Variants in KAT14 observed in about 807,000 individuals in gnomAD.
The protein encoded by KAT14 is lysine acetyltransferase 14, also known as cysteine-rich protein 2-binding protein.
Under a neutral mutation model 78.4 loss-of-function variants are expected in KAT14, and 66 were observed. The observed-to-expected ratio is 0.84, with a 90% CI of 0.69 to 1.03. The LOEUF (loss-of-function observed/expected upper bound fraction) is 1.03. KAT14 is among the 50% of genes least tolerant of loss of function. The pLI is 0.00. For synonymous variants in KAT14, 344 were observed against 359.4 expected (o/e 0.96, Z 0.48); for missense variants, 870 against 972.5 (o/e 0.89, Z 1.40).
intron 3 of KAT14, among the ~76,000 whole-genome samples, chr20:18,148,295 C>T (rs1048010690): frequency 3.8e-4 from 58 of 152,346 alleles, no homozygotes; most frequent in African/African-American, 1.4e-3. Flanking sequence ...GCCACACTCC[C>T]TTTCTGTGTC....
chr20:18,147,814 G>T (rs1052406387), intron 3 of KAT14, among the ~76,000 whole-genome samples: 1 of 152,134 alleles, frequency 6.6e-6, no homozygotes, highest in Non-Finnish European at 1.5e-5. Context: ...TCGAACTCCT[G>T]ACCTCAGGTG....
chr20:18,170,758 C>T (rs942531650), intron 7 of KAT14, among the ~76,000 whole-genome samples: 1 of 152,128 alleles, frequency 6.6e-6, no homozygotes, highest in Admixed American at 6.5e-5. Flanking sequence ...AGGAGGGCCT[C>T]GATCTCCTGA....
rs953317507 is a variant in KAT14, at chr20:18,181,769, G to A, written c.1728G>A (p.Leu576=). The change falls in exon 8 of 11, where the codon TTG becomes TTA. Residue 576 remains leucine (L), a synonymous_variant. Transcript: ENST00000688188. ...AGACCACCAAGTTTTTGTATCGCTT[G>A]GTAGGATCAGAAGATATGGCTGTGG... ...RHQTTKFLYR[L]VGSEDMAVDQ... 5.6e-6 allele frequency: 9 copies of A among 1,614,026 alleles called. No homozygotes were observed. Among genetic ancestry groups the A allele is most frequent in the Non-Finnish European group, 7.6e-6 (9 of 1,180,012 alleles).
chr20:18,173,093 G>A (rs917286951), intron 7 of KAT14, among the ~76,000 whole-genome samples: 1 of 152,192 alleles, frequency 6.6e-6, no homozygotes, highest in African/African-American at 2.4e-5. Context: ...TCTCCTGAGG[G>A]CAGGTGTTAC....
intron 3 of KAT14, among the ~76,000 whole-genome samples, chr20:18,148,603 A>ATTTTTT (rs978610988): frequency 7.0e-6 from 1 of 142,868 alleles, no homozygotes; most frequent in Admixed American, 7.0e-5. Flanking sequence ...ACTGGGGTTC[A>ATTTTTT]TTTTTTTTTG....
At chr20:18,172,102 A>G (rs1281079246) in intron 7 of KAT14, among the ~76,000 whole-genome samples, 1 of 151,944 alleles carries the variant, frequency 6.6e-6, no homozygotes, top group African/African-American at 2.4e-5. Flanking sequence ...TATAGTGTCA[A>G]CTTTTTTTTT....
chr20:18,167,894 CA>C (rs2038701613), intron 7 of KAT14, among the ~76,000 whole-genome samples: 1 of 151,728 alleles, frequency 6.6e-6, no homozygotes, highest in African/African-American at 2.4e-5. Context: ...TCCCCCCAAA[CA>C]AAAAAGTACA....
Position 18,142,580 on chromosome 20 carries a change from T to C in KAT14, c.-81T>C. 1.3e-6 allele frequency: 2 copies of C among 1,574,040 alleles called. No homozygotes were observed. Among genetic ancestry groups the C allele is most frequent in the Non-Finnish European group, 1.7e-6 (2 of 1,158,164 alleles). On this transcript the variant is annotated 5_prime_UTR_variant, in exon 2 of 11. Transcript: ENST00000688188. ...TTGGAAGAGTCTGTCTGGGTGATCC[T>C]GGTAGAAGCCCCATTAGGGTCACTG...
rs1568677524 is a variant in KAT14 at position 18,187,276 on chromosome 20, CTT to C, written c.2173-7_2173-6del. On this transcript the variant is annotated splice_polypyrimidine_tract_variant and splice_region_variant and intron_variant, in intron 10 of 10. Transcript: ENST00000688188. ...CATTTTTATCTTGTATTTTTCCACT[CTT>C]TTGGCAGACCTGCATGGGCAAGGAC... 1.3e-6 allele frequency: 2 copies of C among 1,590,176 alleles called. No homozygotes were observed. The highest frequency in any genetic ancestry group is 3.8e-5 in the Admixed American group (2 of 52,252).
In KAT14 at chr20:18,137,879, G is replaced by C. The variant is rs1600210228; in HGVS notation, c.-626G>C. 1.4e-6 allele frequency: 2 copies of C among 1,386,954 alleles called. No individual in the cohort carries two copies. The highest frequency in any genetic ancestry group is 1.5e-5 in the South Asian group (1 of 68,246). The allele number at this position is 1,386,954 out of a possible 1,614,324, so 85.9% of individuals were successfully genotyped here. A position where few individuals can be genotyped will look rare whatever the true frequency, so the allele number is the denominator to read the frequency against. On this transcript the variant is annotated 5_prime_UTR_variant, in exon 1 of 11. Coordinates refer to ENST00000688188, the MANE Select transcript of KAT14 (RefSeq NM_001392073.1). Reference sequence around the variant, plus strand: ...CGAGGGGTCGAGCCTGGGCAGTACAGGCGGCGGTGCGCACTCTGCGGCGGC... The same window carrying C: ...CGAGGGGTCGAGCCTGGGCAGTACACGCGGCGGTGCGCACTCTGCGGCGGC...
Position 18,159,166 on chromosome 20 carries a change from G to GAAT in KAT14, c.584_586dup (p.Glu195_Phe196insTer), listed in dbSNP as rs2146415406. 1 of 1,614,140 alleles carries GAAT rather than the reference G, an allele frequency of 6.2e-7. No homozygotes were observed. The highest frequency in any genetic ancestry group is 2.2e-5 in the East Asian group (1 of 44,892). ...CATGTACTTCCGTTCAGGTGCTCAG[G>GAAT]AATTTGGAGAGCCAGGATGGTGGAA... On this transcript the variant is annotated stop_gained and inframe_insertion, in exon 5 of 11. Transcript: ENST00000688188. LOFTEE classifies it high-confidence loss of function.
chr20:18,145,442 G>A (rs1203882538), intron 3 of KAT14, 91 bp downstream of exon 3: 2 of 1,544,584 alleles, frequency 1.3e-6, no homozygotes, highest in Non-Finnish European at 1.8e-6. Flanking sequence ...ATGAGCTTTT[G>A]AGTTGTTTGG....
At chr20:18,153,898 T>C (rs1354754730) in intron 4 of KAT14, among the ~76,000 whole-genome samples, 1 of 152,244 alleles carries the variant, frequency 6.6e-6, no homozygotes, top group Non-Finnish European at 1.5e-5. Context: ...TGTTAAATTG[T>C]AGCTGGATCC....
chr20:18,154,656 G>A (rs1394693399), intron 4 of KAT14, among the ~76,000 whole-genome samples: 1 of 152,150 alleles, frequency 6.6e-6, no homozygotes, highest in Non-Finnish European at 1.5e-5. Flanking sequence ...TTGAAGTGTA[G>A]ATACTATGAA....
intron 1 of KAT14, among the ~76,000 whole-genome samples, chr20:18,139,611 T>A (rs2037443841): frequency 6.7e-6 from 1 of 149,920 alleles, no homozygotes; most frequent in Non-Finnish European, 1.5e-5. Context: ...ATTTGGAAGT[T>A]AGAGCTGAAG....
In KAT14 at chr20:18,159,279, A is replaced by T. The variant is rs757847596; in HGVS notation, c.682+14A>T. 4 of 1,611,840 alleles carry T rather than the reference A, an allele frequency of 2.5e-6. No individual in the cohort carries two copies. In the South Asian group the frequency reaches 4.4e-5, roughly 18 times the overall value. On this transcript the variant is annotated intron_variant, in intron 5 of 10. Transcript: ENST00000688188. ...TGAAAATAAAAGGTACTGTTGTGAG[A>T]ACAGTACAAAAGTTGCTAGTCAGAC...
At chr20:18,180,213 A>G (rs2039198697) in intron 7 of KAT14, among the ~76,000 whole-genome samples, 1 of 152,026 alleles carries the variant, frequency 6.6e-6, no homozygotes, top group East Asian at 1.9e-4. Context: ...AATTTCTTCC[A>G]CCAGATACCC....
chr20:18,163,404 G>A (rs1168306948), intron 7 of KAT14, among the ~76,000 whole-genome samples: 4 of 152,142 alleles, frequency 2.6e-5, no homozygotes, highest in African/African-American at 4.8e-5. Context: ...AAGGATGGTC[G>A]GTGGAACCCA....
rs1453721481 is a variant in KAT14, at chr20:18,183,231, T to TA, written c.1914_1915insA (p.Tyr639IlefsTer25). 2 of 1,614,144 alleles carry TA rather than the reference T, an allele frequency of 1.2e-6. No homozygotes were observed. The highest frequency in any genetic ancestry group is 3.3e-5 in the Admixed American group (2 of 60,024). On this transcript the variant is annotated frameshift_variant, in exon 9 of 11. Transcript: ENST00000688188. LOFTEE classifies it high-confidence loss of function. The stretch of plus-strand genomic sequence containing the variant: ...CGCCGGAGCCCGACGCACCTCTCGA[T>TA]TACTGTTATGTGCGGCCAAATCACA...
Sources: allele counts gnomAD v4.1 joint callset (sites outside exome capture counted in the v4.1 genomes callset), GRCh38; gene constraint gnomAD v4.1.1; transcripts MANE v1.5; gene names NCBI Gene and HGNC (gene_info 2026-07-23, HGNC 2026-07-21).